Variants in MAGI3 observed in about 807,000 individuals in gnomAD.
The protein encoded by MAGI3 is membrane associated guanylate kinase, WW and PDZ domain containing 3.
Under a neutral mutation model 121.8 loss-of-function variants are expected in MAGI3, and 43 were observed. The observed-to-expected ratio is 0.35, with a 90% CI of 0.28 to 0.46. MAGI3 has a LOEUF of 0.46. MAGI3 is among the 20% of genes least tolerant of loss of function. The probability of loss-of-function intolerance (pLI) is 1.00; values close to 1 mark genes in which losing one functional copy is unlikely to be tolerated. For synonymous variants in MAGI3, 553 were observed against 639.3 expected (o/e 0.86, Z 2.04); for missense variants, 1,547 against 1,797.3 (o/e 0.86, Z 2.52).
intron 1 of MAGI3, among the ~76,000 whole-genome samples, chr1:113,442,902 T>G (rs528072673): frequency 6.6e-6 from 1 of 152,274 alleles, no homozygotes; most frequent in South Asian, 2.1e-4. Flanking sequence ...TGTTAAAGTA[T>G]AAGATCCTCA....
At chr1:113,523,754 AAAG>A (rs1408027262) in intron 1 of MAGI3, among the ~76,000 whole-genome samples, 1 of 152,210 alleles carries the variant, frequency 6.6e-6, no homozygotes, top group Non-Finnish European at 1.5e-5. Flanking sequence ...ATGTGATAGA[AAAG>A]AAAATCCCAT....
intron 1 of MAGI3, among the ~76,000 whole-genome samples, chr1:113,447,350 A>G (rs1474420937): frequency 5.3e-5 from 8 of 152,210 alleles, no homozygotes; most frequent in Non-Finnish European, 1.0e-4. Context: ...GTCAAGGGAA[A>G]GGAAAGGGGA....
At position 113,590,642 on chromosome 1, in the gene MAGI3, A is replaced by T. The variant is rs534911859; in HGVS notation, c.922A>T (p.Met308Leu). The T allele has an allele frequency of 5.8e-5, 93 of 1,613,572 alleles. No individual in the cohort carries two copies. Among genetic ancestry groups the T allele is most frequent in the Admixed American group, 2.8e-4 (17 of 59,960 alleles). ...GGAAATGGCCTACACTGACACAGGGATGATCTACTTCATTGAGTAAGCAAA... is the reference window on the plus strand; with the variant it reads ...GGAAATGGCCTACACTGACACAGGGTTGATCTACTTCATTGAGTAAGCAAA... ...NWEMAYTDTG[M>L]IYFIDHNTKT... Residue 308 changes from methionine to leucine, a missense_variant, in exon 5 of 21, where the codon ATG (methionine) becomes TTG (leucine). By Grantham distance (15) the Met-to-Leu change is conservative (BLOSUM62 2). Transcript: ENST00000307546.
intron 4 of MAGI3, among the ~76,000 whole-genome samples, chr1:113,586,673 T>A (rs1003037321): frequency 6.6e-6 from 1 of 152,218 alleles, no homozygotes; most frequent in Non-Finnish European, 1.5e-5. Flanking sequence ...AATGTTGATA[T>A]CAGCTTTGCT....
intron 6 of MAGI3, 28 bp downstream of exon 6, chr1:113,594,588 T>C: frequency 1.3e-6 from 2 of 1,561,560 alleles, no homozygotes; most frequent in Non-Finnish European, 1.8e-6. Context: ...TACTCTATCA[T>C]ACTTATTCTC....
chr1:113,628,786 A>G (rs1380836664), intron 9 of MAGI3, among the ~76,000 whole-genome samples: 1 of 152,092 alleles, frequency 6.6e-6, no homozygotes, highest in Non-Finnish European at 1.5e-5. Flanking sequence ...GCTGTTAGAC[A>G]TATTGGAGCT....
intron 1 of MAGI3, among the ~76,000 whole-genome samples, chr1:113,528,039 C>T (rs903920993): frequency 6.6e-6 from 1 of 152,108 alleles, no homozygotes; most frequent in Non-Finnish European, 1.5e-5. Context: ...TTTTATGACA[C>T]TTTAATCCTA....
chr1:113,642,016 C>T lies in MAGI3; in HGVS notation c.1466C>T (p.Thr489Ile). Residue 489 changes from threonine to isoleucine, a missense_variant, in exon 10 of 21, where the codon ACT becomes ATT. Physicochemically the swap from Thr to Ile is moderately conservative, Grantham distance 89 (BLOSUM62 -1). Coordinates refer to ENST00000307546, the MANE Select transcript of MAGI3 (RefSeq NM_001142782.2). ...LVPVNQYVNL[T>I]LCRGYPLPDD... Reference sequence around the variant, plus strand: ...CCTGTCAATCAGTATGTAAACCTCACTTTATGTCGTGGTTATCCACTTCCT... The same window carrying T: ...CCTGTCAATCAGTATGTAAACCTCATTTTATGTCGTGGTTATCCACTTCCT... 6.2e-7 allele frequency: 1 copy of T among 1,614,162 alleles called. No homozygotes were observed. The highest frequency in any genetic ancestry group is 8.5e-7 in the Non-Finnish European group (1 of 1,180,032).
At chr1:113,577,566 TGAAG>T (rs1202530193) in intron 2 of MAGI3, among the ~76,000 whole-genome samples, 1 of 149,464 alleles carries the variant, frequency 6.7e-6, no homozygotes, top group Non-Finnish European at 1.5e-5. Flanking sequence ...AGTAATGGGG[TGAAG>T]GAAGGAAGAT....
intron 1 of MAGI3, among the ~76,000 whole-genome samples, chr1:113,438,796 A>G (rs1653768738): frequency 6.6e-6 from 1 of 152,222 alleles, no homozygotes; most frequent in Admixed American, 6.5e-5. Context: ...TGAAATTTGG[A>G]GGGGACAAAC....
chr1:113,565,128 G>A (rs991191882), intron 2 of MAGI3, among the ~76,000 whole-genome samples: 4 of 151,816 alleles, frequency 2.6e-5, no homozygotes, highest in African/African-American at 7.3e-5. Flanking sequence ...GGGATTGCAG[G>A]TGTGAGCCAC....
chr1:113,581,666 T>G (rs1030461806), intron 3 of MAGI3, among the ~76,000 whole-genome samples: 1 of 152,134 alleles, frequency 6.6e-6, no homozygotes, highest in Admixed American at 6.6e-5. Context: ...TCTTCCACCC[T>G]GCCCATTGCT....
Position 113,391,179 on chromosome 1 carries a change from G to A in MAGI3, c.146G>A (p.Arg49His). 2 of 1,553,386 alleles carry A rather than the reference G, an allele frequency of 1.3e-6. No individual in the cohort carries two copies. The highest frequency in any genetic ancestry group is 1.7e-6 in the Non-Finnish European group (2 of 1,149,048). ...GAGTTCCCCTACCTGGGGCGGCTCC[G>A]CGAGGAGCCCGGCGGGGGCACCTGC... ...RGEFPYLGRL[R>H]EEPGGGTCCV... The change falls in exon 1 of 21, where the codon CGC (arginine) becomes CAC (histidine). Residue 49 changes from arginine (R) to histidine (H), a missense_variant. Arg to His is a conservative substitution (Grantham distance 29, BLOSUM62 0). Transcript: ENST00000307546. The surrounding 1 kb of genome is among the most constrained non-coding windows in gnomAD (Gnocchi z 4.4).
chr1:113,525,616 A>G (rs1294655856), intron 1 of MAGI3, among the ~76,000 whole-genome samples: 1 of 151,982 alleles, frequency 6.6e-6, no homozygotes, highest in Non-Finnish European at 1.5e-5. Context: ...ACATTTTATT[A>G]TTTAATTATT....
At chr1:113,661,761 G>A (rs1653795586) in intron 16 of MAGI3, among the ~76,000 whole-genome samples, 1 of 152,090 alleles carries the variant, frequency 6.6e-6, no homozygotes, top group Admixed American at 6.6e-5. Flanking sequence ...CTCCCTAGAA[G>A]ATATATACTT....
At chr1:113,634,293 A>C (rs1252345686) in intron 9 of MAGI3, among the ~76,000 whole-genome samples, 7 of 151,456 alleles carry the variant, frequency 4.6e-5, no homozygotes, top group African/African-American at 1.5e-4. Flanking sequence ...TTGGTGTTTT[A>C]GACATGAAGT....
rs142079117 is a variant in MAGI3, at chr1:113,678,929, AG to A, written c.3190-2268del. On this transcript the variant is annotated intron_variant, in intron 19 of 20. Coordinates refer to ENST00000307546, the MANE Select transcript of MAGI3 (RefSeq NM_001142782.2). ...TGGCTTATTATTATTTCTATTCTTT[AG>A]TCACCTTGCAGCTAGCTTCAACTCA... is the stretch of plus-strand genomic sequence containing the variant. Among the ~76,000 whole-genome samples, 45 of 152,238 alleles carry A rather than the reference AG, an allele frequency of 3.0e-4. No homozygotes were observed. The East Asian group carries it at 6.4e-3, about 22-fold the overall frequency.
chr1:113,391,441 T>C lies in MAGI3; in HGVS notation c.316+92T>C, dbSNP rs1249476150. 2.2e-6 allele frequency: 3 copies of C among 1,368,592 alleles called. No individual in the cohort carries two copies. The highest frequency in any genetic ancestry group is 3.0e-6 in the Non-Finnish European group (3 of 991,884). The allele number at this position is 1,368,592 out of a possible 1,614,324, so 84.8% of individuals were successfully genotyped here. A position where few individuals can be genotyped will look rare whatever the true frequency, so the allele number is the denominator to read the frequency against. On this transcript the variant is annotated intron_variant, in intron 1 of 20. Coordinates refer to ENST00000307546, the MANE Select transcript of MAGI3 (RefSeq NM_001142782.2). This position sits in a 1 kb window ranked among gnomAD's most constrained non-coding sequence, Gnocchi z 4.4. ...AGCGGCGGCACCTCCCCACCGCGTA[T>C]TGTCCCGGGTAATCTTAGACCTCTA...
chr1:113,420,116 G>A (rs1254220245), intron 1 of MAGI3, among the ~76,000 whole-genome samples: 2 of 152,222 alleles, frequency 1.3e-5, no homozygotes, highest in Non-Finnish European at 2.9e-5. Context: ...TAAGGATGGA[G>A]TGGGCAGTCT....
Sources: allele counts gnomAD v4.1 joint callset (sites outside exome capture counted in the v4.1 genomes callset), GRCh38; gene constraint gnomAD v4.1.1; non-coding constraint Gnocchi (gnomAD v3.1); transcripts MANE v1.5; gene names NCBI Gene and HGNC (gene_info 2026-07-23, HGNC 2026-07-21).